Variants in CDKL3 observed in about 807,000 individuals in gnomAD.
CDKL3 encodes cyclin dependent kinase like 3.
A neutral mutation model predicts 69.3 loss-of-function variants in CDKL3; 65 were observed. That is an observed-to-expected ratio of 0.94 (90% confidence interval 0.77 to 1.15). The LOEUF is 1.15. Among genes scored for constraint, CDKL3 ranks in the 50% most tolerant of loss-of-function variants. The pLI, the probability that CDKL3 is intolerant of heterozygous loss-of-function variation, is 0.00. For synonymous variants in CDKL3, 202 were observed against 221.6 expected (o/e 0.91, Z 0.79); for missense variants, 652 against 689.2 (o/e 0.95, Z 0.61).
chr5:134,306,803 G>GGAGT (rs1768005238), intron 9 of CDKL3, 101 bp from the exon 10 acceptor site: 13 of 635,466 alleles, frequency 2.0e-5, no homozygotes, highest in Non-Finnish European at 2.8e-5. Context: ...CACCCAGGCT[G>GGAGT]GAGTGCAGTG....
At chr5:134,371,191 T>C (rs1581312505), upstream of CDKL3, 1 of 276,060 alleles carries the variant, frequency 3.6e-6, no homozygotes. Flanking sequence ...TCCCTCTTTC[T>C]CCACCCCGCC....
At chr5:134,345,732 G>A (rs1261324816) in intron 4 of CDKL3, among the ~76,000 whole-genome samples, 1 of 152,194 alleles carries the variant, frequency 6.6e-6, no homozygotes, top group African/African-American at 2.4e-5. Flanking sequence ...ACAAGGTAAT[G>A]TCATCAGTTA....
In CDKL3 at chr5:134,304,520, G is replaced by T. The variant is rs1307813266; in HGVS notation, c.1506C>A (p.Asp502Glu). 7 of 1,612,404 alleles carry T rather than the reference G, an allele frequency of 4.3e-6. 1 individual carries two copies. The East Asian group carries it at 1.6e-4, about 36-fold the overall frequency. ...GIFNERTGHS[D>E]QMANENKRKL... ...TCCTTTTGTTCTCATTTGCCATTTG[G>T]TCACTGTGACCTGTTCGCTCATTAA... The change falls in exon 11 of 13, where the codon GAC becomes GAA. Residue 502 changes from aspartate (D) to glutamate (E), a missense_variant. By Grantham distance (45) the Asp-to-Glu change is conservative. Transcript: ENST00000265334.
chr5:134,301,981 C>T (rs1438256570), intron 12 of CDKL3, among the ~76,000 whole-genome samples: 1 of 152,128 alleles, frequency 6.6e-6, no homozygotes, highest in Non-Finnish European at 1.5e-5. Flanking sequence ...AGGAGGCCAT[C>T]GATATGATTT....
upstream of CDKL3, among the ~76,000 whole-genome samples, chr5:134,370,741 T>C (rs1015521770): frequency 1.3e-5 from 2 of 152,194 alleles, no homozygotes; most frequent in African/African-American, 4.8e-5. Context: ...CAGGAGATTG[T>C]TGTGTGGGCC....
At chr5:134,306,767 T>TTTTTTTTTTC in intron 9 of CDKL3, 65 bp from the exon 10 acceptor site, 1 of 1,023,556 alleles carries the variant, frequency 9.8e-7, no homozygotes, top group South Asian at 1.5e-5. Context: ...TTTTTTTTTT[T>TTTTTTTTTTC]TTTTTTTGGC....
chr5:134,313,166 C>T (rs572771147), intron 6 of CDKL3, among the ~76,000 whole-genome samples: 74 of 152,192 alleles, frequency 4.9e-4, no homozygotes, highest in South Asian at 8.3e-4. Flanking sequence ...GCGATTCTCC[C>T]GCCTCAGTCT....
intron 10 of CDKL3, among the ~76,000 whole-genome samples, chr5:134,305,354 T>C (rs1008401262): frequency 5.3e-5 from 8 of 152,046 alleles, no homozygotes; most frequent in Admixed American, 1.3e-4. Flanking sequence ...GATCAAGCAA[T>C]CCTCCCAGCT....
chr5:134,348,204 T>C (rs1190131152), intron 4 of CDKL3, among the ~76,000 whole-genome samples: 1 of 152,046 alleles, frequency 6.6e-6, no homozygotes, highest in Non-Finnish European at 1.5e-5. Context: ...CTGGGCAACA[T>C]AGTGAGACCT....
intron 5 of CDKL3, among the ~76,000 whole-genome samples, chr5:134,320,412 C>T (rs901393842): frequency 6.6e-6 from 1 of 151,688 alleles, no homozygotes; most frequent in Non-Finnish European, 1.5e-5. Flanking sequence ...ACCGCGGCTG[C>T]ACTAAAAACG....
chr5:134,305,412 C>T lies in CDKL3; in HGVS notation c.1459-845G>A, dbSNP rs1767545582. ...TACAGGTGAGAGCCACTGTGCCTGG[C>T]CAGAACCACAAACTTAACTTTTCAT... On this transcript the variant is annotated intron_variant, in intron 10 of 12. Transcript: ENST00000265334. 2.6e-5 allele frequency among the ~76,000 whole-genome samples: 4 copies of T among 152,178 alleles called. No individual in the cohort carries two copies. The South Asian group carries it at 8.3e-4, about 31-fold the overall frequency.
chr5:134,298,358 T>C, downstream of CDKL3: 1 of 1,136,308 alleles, frequency 8.8e-7, no homozygotes, highest in Non-Finnish European at 1.1e-6. Flanking sequence ...TCATTAAGTA[T>C]AAGTACAGTT....
At chr5:134,367,249 G>T (rs975851636), upstream of CDKL3, 1 of 985,388 alleles carries the variant, frequency 1.0e-6, no homozygotes, top group African/African-American at 1.7e-5. Context: ...AACCTACTCT[G>T]GGTAGGCGCA....
At chr5:134,292,224 TA>T in intron 8 of CDKL3, among the ~76,000 whole-genome samples, 1 of 152,266 alleles carries the variant, frequency 6.6e-6, no homozygotes, top group East Asian at 1.9e-4. Context: ...GCTAGGATAT[TA>T]AACAAGAATC....
upstream of CDKL3, among the ~76,000 whole-genome samples, chr5:134,367,521 G>A (rs757204537): frequency 1.3e-4 from 20 of 151,612 alleles, no homozygotes; most frequent in Admixed American, 3.9e-4. Context: ...TTACAGGCGT[G>A]TGCCACCACG....
chr5:134,365,815 C>CT (rs1757268227), intron 2 of CDKL3, among the ~76,000 whole-genome samples: 1 of 152,118 alleles, frequency 6.6e-6, no homozygotes, highest in Non-Finnish European at 1.5e-5. Flanking sequence ...TCTTTAGTCT[C>CT]TTTTGAGTTT....
downstream of CDKL3, among the ~76,000 whole-genome samples, chr5:134,296,248 GGCT>G: frequency 6.6e-6 from 1 of 152,144 alleles, no homozygotes; most frequent in Admixed American, 6.5e-5. Flanking sequence ...CCACCAAGAT[GGCT>G]AAATAGTAGA....
At chr5:134,305,515 AG>A (rs1309743129) in intron 10 of CDKL3, among the ~76,000 whole-genome samples, 4 of 152,216 alleles carry the variant, frequency 2.6e-5, no homozygotes, top group Non-Finnish European at 1.5e-5. Flanking sequence ...TTATCTACCT[AG>A]AAAATGATAT....
chr5:134,345,866 C>A (rs966832138), intron 4 of CDKL3, among the ~76,000 whole-genome samples: 10 of 152,270 alleles, frequency 6.6e-5, no homozygotes, highest in Non-Finnish European at 1.2e-4. Context: ...CTGACAGCAC[C>A]CACTGATTTT....
Sources: allele counts gnomAD v4.1 joint callset (sites outside exome capture counted in the v4.1 genomes callset), GRCh38; gene constraint gnomAD v4.1.1; transcripts MANE v1.5; gene names NCBI Gene and HGNC (gene_info 2026-07-23, HGNC 2026-07-21).